The following GRID2 variants were observed in gnomAD, a reference collection of about 807,000 sequenced individuals.
The protein encoded by GRID2 is glutamate receptor ionotropic, delta-2.
Under a neutral mutation model 114.8 loss-of-function variants are expected in GRID2, and 33 were observed. The observed-to-expected ratio is 0.29, with a 90% CI of 0.22 to 0.38. The LOEUF is 0.38. GRID2 is among the 10% of genes least tolerant of loss of function. The pLI, the probability that GRID2 is intolerant of heterozygous loss-of-function variation, is 1.00. For missense variants in GRID2, 1,184 were observed against 1,257.7 expected (o/e 0.94, Z 0.89); for synonymous variants, 505 against 449.9 (o/e 1.12, Z -1.55).
chr4:93,093,308 T>C (rs962739415), intron 3 of GRID2, among the ~76,000 whole-genome samples: 6 of 151,988 alleles, frequency 3.9e-5, no homozygotes, highest in African/African-American at 1.4e-4. Flanking sequence ...GTAGCCATAT[T>C]TGGGGAGCAC....
intron 2 of GRID2, among the ~76,000 whole-genome samples, chr4:92,612,864 G>A (rs1729822626): frequency 6.6e-6 from 1 of 151,316 alleles, no homozygotes; most frequent in African/African-American, 2.4e-5. Context: ...ATCATGTTAT[G>A]CAAATAAATA....
chr4:92,860,286 G>T (rs961130822), intron 2 of GRID2, among the ~76,000 whole-genome samples: 1 of 152,000 alleles, frequency 6.6e-6, no homozygotes, highest in Non-Finnish European at 1.5e-5. Flanking sequence ...GGCCAGCACC[G>T]GTCAGCTTTC....
At chr4:92,529,465 G>T (rs947195385) in intron 1 of GRID2, among the ~76,000 whole-genome samples, 6 of 152,082 alleles carry the variant, frequency 3.9e-5, no homozygotes, top group African/African-American at 1.4e-4. Context: ...CTGAAAGGAT[G>T]AATACTGATT....
intron 14 of GRID2, among the ~76,000 whole-genome samples, chr4:93,735,945 T>C (rs1480410521): frequency 6.6e-6 from 1 of 151,980 alleles, no homozygotes; most frequent in Non-Finnish European, 1.5e-5. Context: ...TAATTCAGTG[T>C]ACTATGGAGA....
Position 93,584,882 on chromosome 4 carries a change from C to A in GRID2, c.2194-41387C>A, listed in dbSNP as rs866346610. ...AAGTGGATGCCTAATGATTTCCCAT[C>A]AAATGTCTCATAAAATTGCCCTTGA... On this transcript the variant is annotated intron_variant, in intron 13 of 15. Transcript: ENST00000282020. Among the ~76,000 whole-genome samples the A allele has an allele frequency of 7.2e-5, 11 of 152,184 alleles. No individual in the cohort carries two copies. In the Middle Eastern group the frequency reaches 0.01, roughly 141 times the overall value.
intron 2 of GRID2, among the ~76,000 whole-genome samples, chr4:92,626,470 G>C (rs1031284649): frequency 2.0e-5 from 3 of 151,920 alleles, no homozygotes; most frequent in African/African-American, 7.2e-5. Context: ...ACAACATAGC[G>C]ATTAAAGGGG....
intron 2 of GRID2, among the ~76,000 whole-genome samples, chr4:92,815,636 G>A (rs1481728436): frequency 2.0e-5 from 3 of 151,972 alleles, no homozygotes; most frequent in Non-Finnish European, 4.4e-5. Context: ...ATTGGGGCTG[G>A]GTGTAGTGGC....
At chr4:93,670,264 A>G (rs1203596181) in intron 14 of GRID2, among the ~76,000 whole-genome samples, 3 of 152,138 alleles carry the variant, frequency 2.0e-5, no homozygotes, top group Admixed American at 1.3e-4. Context: ...GCACCCTGAA[A>G]CTCAAGGTGC....
At chr4:93,187,315 T>TAAAAAA (rs1740521894) in intron 4 of GRID2, among the ~76,000 whole-genome samples, 1 of 152,184 alleles carries the variant, frequency 6.6e-6, no homozygotes, top group South Asian at 2.1e-4. Flanking sequence ...CTCATTCTTT[T>TAAAAAA]GCCCTGGCTG....
intron 2 of GRID2, among the ~76,000 whole-genome samples, chr4:92,928,549 C>T (rs1289886780): frequency 6.6e-6 from 1 of 151,512 alleles, no homozygotes; most frequent in Non-Finnish European, 1.5e-5. Flanking sequence ...ATAATATATC[C>T]ATAAATTTTC....
At chr4:92,586,208 A>C (rs1216038827) in intron 1 of GRID2, among the ~76,000 whole-genome samples, 1 of 152,000 alleles carries the variant, frequency 6.6e-6, no homozygotes, top group African/African-American at 2.4e-5. Flanking sequence ...AAGAAGGAGA[A>C]AAATCTTCGA....
At chr4:93,179,834 G>A (rs547997448) in intron 4 of GRID2, among the ~76,000 whole-genome samples, 1 of 152,178 alleles carries the variant, frequency 6.6e-6, no homozygotes, top group East Asian at 1.9e-4. Flanking sequence ...TTCAAACGAT[G>A]GGGGGACTGA....
At chr4:93,462,332 G>A (rs1723826321) in intron 11 of GRID2, among the ~76,000 whole-genome samples, 1 of 152,128 alleles carries the variant, frequency 6.6e-6, no homozygotes. Flanking sequence ...CTGATGAGAG[G>A]AGCAGCCAGA....
At chr4:93,193,086 A>T (rs1350855387) in intron 4 of GRID2, among the ~76,000 whole-genome samples, 4 of 152,190 alleles carry the variant, frequency 2.6e-5, no homozygotes, top group Non-Finnish European at 5.9e-5. Flanking sequence ...AATTAGTGCT[A>T]CCAGAATACT....
At chr4:92,393,620 A>G (rs149852168) in intron 1 of GRID2, among the ~76,000 whole-genome samples, 1,919 of 152,022 alleles carry the variant, frequency 0.013, 13 homozygotes, top group Non-Finnish European at 0.02. Flanking sequence ...TCCATGTTTT[A>G]TTTTCTTTCA....
chr4:93,191,651 T>A (rs937401073), intron 4 of GRID2, among the ~76,000 whole-genome samples: 1 of 152,110 alleles, frequency 6.6e-6, no homozygotes, highest in East Asian at 1.9e-4. Context: ...AAAATAGCAA[T>A]AAACATTTAT....
intron 8 of GRID2, among the ~76,000 whole-genome samples, chr4:93,328,496 C>T (rs1202661955): frequency 6.6e-6 from 1 of 152,146 alleles, no homozygotes; most frequent in Non-Finnish European, 1.5e-5. Flanking sequence ...TCTAAAATAA[C>T]CACTCTTGCA....
At chr4:92,509,454 G>C (rs1724132179) in intron 1 of GRID2, among the ~76,000 whole-genome samples, 1 of 151,842 alleles carries the variant, frequency 6.6e-6, no homozygotes, top group Non-Finnish European at 1.5e-5. Context: ...ATGTTATTGA[G>C]TACCTACTAA....
chr4:93,156,973 C>T (rs1402093360), intron 4 of GRID2, among the ~76,000 whole-genome samples: 1 of 151,706 alleles, frequency 6.6e-6, no homozygotes, highest in Non-Finnish European at 1.5e-5. Flanking sequence ...CACAATTAAG[C>T]ATCATATAAA....
Sources: gnomAD v4.1 joint callset for allele counts (sites outside exome capture counted in the v4.1 genomes callset) on GRCh38, gnomAD v4.1.1 for gene constraint, MANE v1.5 for transcripts, NCBI Gene and HGNC (gene_info 2026-07-23, HGNC 2026-07-21) for gene names.